CCDC60: variants seen among roughly 807,000 people sequenced by gnomAD.
CCDC60 encodes the protein coiled-coil domain containing 60.
A neutral mutation model predicts 63.5 loss-of-function variants in CCDC60; 54 were observed. That is an observed-to-expected ratio of 0.85 (90% CI 0.68 to 1.07). CCDC60 has a LOEUF of 1.07. CCDC60 is among the 50% of genes least tolerant of loss of function. The pLI, the probability that CCDC60 is intolerant of heterozygous loss-of-function variation, is 0.00. For missense variants in CCDC60, 651 were observed against 684.3 expected (o/e 0.95, Z 0.54); for synonymous variants, 206 against 238.8 (o/e 0.86, Z 1.27).
Position 119,391,075 on chromosome 12 carries a change from T to C in CCDC60, c.91-37608T>C, listed in dbSNP as rs562384073. On this transcript the variant is annotated intron_variant, in intron 1 of 13. Coordinates refer to ENST00000327554, the MANE Select transcript of CCDC60 (RefSeq NM_178499.5). ...AGCACCCAGTTCTGCATGACTTTAC[T>C]TTTTATAAAATGTGAGGGGAGGATT... is the stretch of plus-strand genomic sequence containing the variant. 1.2e-4 allele frequency among the ~76,000 whole-genome samples: 19 copies of C among 152,290 alleles called. No individual in the cohort carries two copies. The East Asian group carries it at 3.5e-3, about 28-fold the overall frequency.
intron 7 of CCDC60, among the ~76,000 whole-genome samples, chr12:119,507,358 AAGT>A (rs1376813455): frequency 5.9e-5 from 9 of 151,340 alleles, no homozygotes; most frequent in Non-Finnish European, 1.2e-4. Flanking sequence ...TGAACAGAAG[AAGT>A]AGTATCTGAG....
At chr12:119,512,472 G>A (rs1003204674) in intron 7 of CCDC60, among the ~76,000 whole-genome samples, 6 of 152,332 alleles carry the variant, frequency 3.9e-5, no homozygotes, top group Non-Finnish European at 8.8e-5. Context: ...ACAGAAACTG[G>A]CTATCACATG....
At chr12:119,351,842 G>T (rs141035151) in intron 1 of CCDC60, among the ~76,000 whole-genome samples, 13 of 152,234 alleles carry the variant, frequency 8.5e-5, no homozygotes, top group Admixed American at 3.9e-4. Context: ...TCATCTTTCT[G>T]TCTTGTTCTG....
intron 11 of CCDC60, 62 bp downstream of exon 11, chr12:119,523,880 G>T (rs1281884347): frequency 1.3e-6 from 2 of 1,519,612 alleles, no homozygotes; most frequent in East Asian, 2.3e-5. Flanking sequence ...CTATATGCCT[G>T]CCAGGTGCCA....
intron 2 of CCDC60, among the ~76,000 whole-genome samples, chr12:119,445,220 G>T (rs140996007): frequency 2.6e-3 from 388 of 151,984 alleles, no homozygotes; most frequent in African/African-American, 8.8e-3. Context: ...GATCACTTGA[G>T]TCCAGGAGTT....
At chr12:119,406,638 G>A (rs1469736548) in intron 1 of CCDC60, among the ~76,000 whole-genome samples, 1 of 150,444 alleles carries the variant, frequency 6.6e-6, no homozygotes, top group Non-Finnish European at 1.5e-5. Flanking sequence ...TTTTGAATAT[G>A]TTTAAAATAT....
At chr12:119,371,983 C>T (rs997959491) in intron 1 of CCDC60, among the ~76,000 whole-genome samples, 1 of 151,742 alleles carries the variant, frequency 6.6e-6, no homozygotes, top group Non-Finnish European at 1.5e-5. Flanking sequence ...TTAGGCCGGA[C>T]GCAGTGGCTC....
intron 2 of CCDC60, among the ~76,000 whole-genome samples, chr12:119,439,732 C>T (rs1950401882): frequency 6.6e-6 from 1 of 152,152 alleles, no homozygotes; most frequent in Non-Finnish European, 1.5e-5. Context: ...GAACTGCACC[C>T]CCATCCCAGA....
At chr12:119,512,604 G>A (rs1952244292) in intron 7 of CCDC60, among the ~76,000 whole-genome samples, 1 of 152,190 alleles carries the variant, frequency 6.6e-6, no homozygotes, top group African/African-American at 2.4e-5. Context: ...CCAGAGGAGG[G>A]AGGAAAATGT....
intron 7 of CCDC60, among the ~76,000 whole-genome samples, chr12:119,509,891 C>G (rs1413955644): frequency 6.6e-6 from 1 of 152,100 alleles, no homozygotes; most frequent in African/African-American, 2.4e-5. Flanking sequence ...TCAAGTCAGA[C>G]TTGATTGCTC....
At position 119,433,443 on chromosome 12, in the gene CCDC60, A is replaced by G. The variant is rs1179237362; in HGVS notation, c.170+4681A>G. Reference sequence around the variant, plus strand: ...GGAAAAGGCCAAACAGAGAAGCCACAAGCAAGCAAGAAAGAAACGACAATG... The same window carrying G: ...GGAAAAGGCCAAACAGAGAAGCCACGAGCAAGCAAGAAAGAAACGACAATG... On this transcript the variant is annotated intron_variant, in intron 2 of 13. Transcript: ENST00000327554. The G allele has an allele frequency of 4.3e-6, 3 of 702,358 alleles. No individual in the cohort carries two copies. The South Asian group carries it at 4.4e-5, about 10-fold the overall frequency. 43.5% of individuals were successfully genotyped at this position (702,358 alleles called of 1,614,324 possible).
intron 7 of CCDC60, among the ~76,000 whole-genome samples, chr12:119,514,778 C>T (rs1952312090): frequency 6.6e-6 from 1 of 152,076 alleles, no homozygotes; most frequent in Non-Finnish European, 1.5e-5. Context: ...ATGTCCTAGG[C>T]CTTCGAATTC....
chr12:119,415,627 G>A (rs1448400648), intron 1 of CCDC60, among the ~76,000 whole-genome samples: 11 of 152,194 alleles, frequency 7.2e-5, no homozygotes, highest in African/African-American at 2.7e-4. Context: ...TGTTGTCCAG[G>A]TGGCTTGCAG....
intron 1 of CCDC60, among the ~76,000 whole-genome samples, chr12:119,370,542 T>G (rs1344977009): frequency 6.6e-6 from 1 of 152,202 alleles, no homozygotes; most frequent in Non-Finnish European, 1.5e-5. Flanking sequence ...AAAACTGTAC[T>G]TGAGGGCCTG....
intron 4 of CCDC60, among the ~76,000 whole-genome samples, chr12:119,486,742 G>A (rs1951450603): frequency 6.6e-6 from 1 of 152,116 alleles, no homozygotes; most frequent in South Asian, 2.1e-4. Flanking sequence ...TCCCCTTCAA[G>A]CTAAGCAAAT....
chr12:119,518,794 G>C (rs1178850829), intron 8 of CCDC60, among the ~76,000 whole-genome samples: 1 of 152,070 alleles, frequency 6.6e-6, no homozygotes, highest in Non-Finnish European at 1.5e-5. Flanking sequence ...TGCTGAGACA[G>C]GTACATTCAC....
intron 1 of CCDC60, among the ~76,000 whole-genome samples, chr12:119,414,166 G>A (rs1048110359): frequency 1.1e-4 from 16 of 152,056 alleles, no homozygotes; most frequent in African/African-American, 3.6e-4. Flanking sequence ...TTACAGGCAC[G>A]CACCACCACA....
intron 7 of CCDC60, among the ~76,000 whole-genome samples, chr12:119,512,063 A>G (rs1239652266): frequency 1.3e-5 from 2 of 152,184 alleles, no homozygotes; most frequent in Non-Finnish European, 2.9e-5. Context: ...GATGGCTCCA[A>G]AGTCACTAAG....
intron 8 of CCDC60, among the ~76,000 whole-genome samples, chr12:119,517,917 T>A (rs1952397724): frequency 6.6e-6 from 1 of 152,192 alleles, no homozygotes; most frequent in African/African-American, 2.4e-5. Context: ...TTCCCAGGTG[T>A]GGATTCCTTT....
Sources: gnomAD v4.1 joint callset for allele counts (sites outside exome capture counted in the v4.1 genomes callset) on GRCh38, gnomAD v4.1.1 for gene constraint, MANE v1.5 for transcripts, NCBI Gene and HGNC (gene_info 2026-07-23, HGNC 2026-07-21) for gene names.